Variants in DMD observed in about 807,000 individuals in gnomAD.
DMD encodes mutant dystrophin.
In DMD, 63 loss-of-function variants were observed where a neutral mutation model predicts 330.1. That is an observed-to-expected ratio of 0.19 (90% CI 0.16 to 0.24). The LOEUF (loss-of-function observed/expected upper bound fraction) is 0.24, where lower values mean the gene tolerates loss of function less well. DMD is among the 10% of genes least tolerant of loss of function. DMD has a pLI of 1.00. For missense variants in DMD, 3,344 were observed against 2,684.1 expected, an observed-to-expected ratio of 1.25 and a Z score of -5.43; for synonymous variants, 1,223 against 959.8, an observed-to-expected ratio of 1.27 and a Z score of -5.07.
chrX:31,743,868 T>C (rs757332076), intron 51 of DMD, among the ~76,000 whole-genome samples: 4 of 110,589 alleles, frequency 3.6e-5, no homozygotes. Flanking sequence ...GTCTTTTTTT[T>C]TTTTTCCACA....
intron 1 of DMD, among the ~76,000 whole-genome samples, chrX:33,110,435 A>G (rs893134807): frequency 9.0e-6 from 1 of 111,484 alleles, no homozygotes; most frequent in Non-Finnish European, 1.9e-5. Flanking sequence ...TAATACTATT[A>G]TATGCTATTA....
chrX:32,827,866 G>A (rs2078854144), intron 4 of DMD, among the ~76,000 whole-genome samples: 1 of 110,219 alleles, frequency 9.1e-6, no homozygotes, highest in Admixed American at 9.7e-5. Flanking sequence ...TCTCCATGTT[G>A]GTCAGGCTGG....
intron 1 of DMD, among the ~76,000 whole-genome samples, chrX:33,095,560 G>C (rs1014483215): frequency 2.7e-5 from 3 of 112,125 alleles, no homozygotes; most frequent in African/African-American, 9.7e-5. Context: ...AATCAAGAGT[G>C]GAACTGCAAT....
intron 44 of DMD, among the ~76,000 whole-genome samples, chrX:31,998,965 A>G (rs962841321): frequency 1.8e-5 from 2 of 111,727 alleles, no homozygotes; most frequent in African/African-American, 6.5e-5. Flanking sequence ...CACTGGAGAC[A>G]TGATCAATTC....
rs1557228748 is a variant in DMD at position 32,233,599 on chromosome X, T to TTTA, written c.6291-16537_6291-16536insTAA. Reference sequence around the variant, plus strand: ...CACTTCCTGGTACAATTTCTTTTTCTTTTATTTATTTATTTATTTATTTAT... The same window carrying TTTA: ...CACTTCCTGGTACAATTTCTTTTTCTTTATTTATTTATTTATTTATTTATTTAT... On this transcript the variant is annotated intron_variant, in intron 43 of 78. Coordinates refer to ENST00000357033, the MANE Select transcript of DMD (RefSeq NM_004006.3). 0.016 allele frequency among the ~76,000 whole-genome samples: 1,364 copies of TTTA among 87,929 alleles called. 37 individuals carry two copies. In the East Asian group the frequency reaches 0.16, roughly 10 times the overall value. 76.4% of individuals were successfully genotyped at this position (87,929 alleles called of 115,157 possible).
At chrX:32,866,077 C>T (rs1158038686) in intron 2 of DMD, among the ~76,000 whole-genome samples, 1 of 112,308 alleles carries the variant, frequency 8.9e-6, no homozygotes, top group Non-Finnish European at 1.9e-5. Flanking sequence ...TTGTTCATGC[C>T]TCTGCATTTA....
At chrX:32,563,136 C>T (rs964548470) in intron 16 of DMD, among the ~76,000 whole-genome samples, 3 of 109,724 alleles carry the variant, frequency 2.7e-5, no homozygotes, top group African/African-American at 3.3e-5. Context: ...GTCAGGAGAT[C>T]GAGACCACCC....
intron 7 of DMD, among the ~76,000 whole-genome samples, chrX:32,718,539 A>T (rs2065951607): frequency 8.9e-6 from 1 of 111,873 alleles, no homozygotes; most frequent in Admixed American, 9.5e-5. Flanking sequence ...GAACGGACTA[A>T]TACACATATC....
At chrX:31,781,751 G>C (rs1197372145) in intron 50 of DMD, among the ~76,000 whole-genome samples, 1 of 111,483 alleles carries the variant, frequency 9.0e-6, no homozygotes, top group East Asian at 2.8e-4. Context: ...GTGAGTGGCT[G>C]TCCTGTGCAT....
rs577918194 is a variant in DMD, at chrX:33,333,726, T to A, written c.7+5533A>T. 1.3e-4 allele frequency among the ~76,000 whole-genome samples: 14 copies of A among 111,352 alleles called. 1 individual carries two copies. The South Asian group carries it at 3.8e-3, about 30-fold the overall frequency. On this transcript the variant is annotated intron_variant, in intron 1 of 17. Coordinates refer to the DMD transcript ENST00000288447. Reference sequence around the variant, plus strand: ...CTCCTATGACATGAAAAAAAATCCCTTCTCATATCCCTATGTTCAGGAAAA... The same window carrying A: ...CTCCTATGACATGAAAAAAAATCCCATCTCATATCCCTATGTTCAGGAAAA...
chrX:33,077,311 C>A (rs980175567), intron 1 of DMD, among the ~76,000 whole-genome samples: 1 of 111,538 alleles, frequency 9.0e-6, no homozygotes, highest in East Asian at 2.8e-4. Context: ...GTTAGTTCAG[C>A]CTATGCCCAG....
chrX:31,571,254 GGTGTGTGTGTGTGTGT>G (rs371098859), intron 55 of DMD, among the ~76,000 whole-genome samples: 5 of 90,438 alleles, frequency 5.5e-5, no homozygotes, highest in East Asian at 7.2e-4. Context: ...GATTTAAAGG[GGTGTGTGTGTGTGTGT>G]GTGTGTGTGT....
intron 44 of DMD, among the ~76,000 whole-genome samples, chrX:32,017,427 G>T (rs1329983147): frequency 8.9e-6 from 1 of 111,816 alleles, no homozygotes; most frequent in Non-Finnish European, 1.9e-5. Context: ...TTTCAGAAAA[G>T]AATGTAAGCT....
intron 45 of DMD, among the ~76,000 whole-genome samples, chrX:31,956,204 C>A (rs1254296052): frequency 8.9e-6 from 1 of 111,909 alleles, no homozygotes; most frequent in East Asian, 2.8e-4. Context: ...ATCTGTGAGA[C>A]AGAAGGGATC....
At chrX:32,938,977 G>A (rs2090204818) in intron 2 of DMD, among the ~76,000 whole-genome samples, 1 of 110,538 alleles carries the variant, frequency 9.0e-6, no homozygotes, top group Non-Finnish European at 1.9e-5. Flanking sequence ...TTGTTGCAGA[G>A]CAAGAAAAGT....
chrX:31,609,209 G>A lies in DMD; in HGVS notation c.8217+18464C>T, dbSNP rs185860010. On this transcript the variant is annotated intron_variant, in intron 55 of 78. Transcript: ENST00000357033. Reference sequence around the variant, plus strand: ...GAGGCAATCCTTTAACAGCGGATGTGAGTATAGGCAGACTGATGCAATGTC... The same window carrying A: ...GAGGCAATCCTTTAACAGCGGATGTAAGTATAGGCAGACTGATGCAATGTC... Among the ~76,000 whole-genome samples, 17 of 111,326 alleles carry A rather than the reference G, an allele frequency of 1.5e-4. No individual in the cohort carries two copies. The East Asian group carries it at 4.5e-3, about 30-fold the overall frequency.
At chrX:32,309,887 G>A (rs899359612) in intron 42 of DMD, among the ~76,000 whole-genome samples, 195 bp downstream of exon 42, 1 of 110,696 alleles carries the variant, frequency 9.0e-6, no homozygotes. Flanking sequence ...GCTAAATATT[G>A]TAAAATACAT....
intron 62 of DMD, among the ~76,000 whole-genome samples, chrX:31,277,176 C>G (rs1320871282): frequency 9.0e-6 from 1 of 111,131 alleles, no homozygotes; most frequent in Non-Finnish European, 1.9e-5. Flanking sequence ...CTTATCATTT[C>G]TTATGGTGAT....
At chrX:32,350,620 A>G (rs1187547477) in intron 37 of DMD, among the ~76,000 whole-genome samples, 1 of 111,404 alleles carries the variant, frequency 9.0e-6, no homozygotes, top group African/African-American at 3.2e-5. Context: ...ATAAGCTTTG[A>G]AAAGATGTAA....
Sources: gnomAD v4.1 joint callset for allele counts (sites outside exome capture counted in the v4.1 genomes callset) on GRCh38, gnomAD v4.1.1 for gene constraint, MANE v1.5 for transcripts, NCBI Gene and HGNC (gene_info 2026-07-23, HGNC 2026-07-21) for gene names.